TIMM44: variants seen among roughly 807,000 people sequenced by gnomAD.
The protein encoded by TIMM44 is translocase of inner mitochondrial membrane 44.
TIMM44 carries 37 observed loss-of-function variants against 63.8 expected under a neutral mutation model. The observed-to-expected ratio is 0.58, with a 90% confidence interval of 0.45 to 0.76. The LOEUF (loss-of-function observed/expected upper bound fraction) is 0.76. Among genes scored for constraint, TIMM44 ranks in the 30% least tolerant of loss-of-function variants. The probability of loss-of-function intolerance (pLI) is 0.00; values close to 1 mark genes in which losing one functional copy is unlikely to be tolerated. For synonymous variants in TIMM44, 239 were observed against 245.1 expected, an observed-to-expected ratio of 0.98 and a Z score of 0.23; for missense variants, 573 against 603.8, an observed-to-expected ratio of 0.95 and a Z score of 0.54.
At position 7,932,696 on chromosome 19, in the gene TIMM44, C is replaced by T. The variant is rs778775926; in HGVS notation, c.918G>A (p.Val306=). The part of the protein sequence containing the change: ...MSEVLTEILR[V]DPAFDKDRFL... The stretch of plus-strand genomic sequence containing the variant: ...ACCGGTCCTTGTCAAAGGCCGGGTC[C>T]ACCCGGAGGATCTCCGTGAGCACCT... The change falls in exon 9 of 13, where the codon GTG becomes GTA. Residue 306 remains valine (V), a synonymous_variant. Transcript: ENST00000270538. The T allele has an allele frequency of 7.4e-6, 12 of 1,614,168 alleles. No individual in the cohort carries two copies. In the Admixed American group the frequency reaches 2.0e-4, roughly 27 times the overall value.
Position 7,934,819 on chromosome 19 carries a change from C to T in TIMM44, c.393+246G>A, listed in dbSNP as rs527786889. On this transcript the variant is annotated intron_variant, in intron 4 of 12. Transcript: ENST00000270538. The surrounding 1 kb of genome is among the most constrained non-coding windows in gnomAD (Gnocchi z 5.3). ...GCAGGAAAAACATTTTCATGTTCTCCTCGAGTCCTGGCTAGCAGCACTTAC... is the reference window on the plus strand; with the variant it reads ...GCAGGAAAAACATTTTCATGTTCTCTTCGAGTCCTGGCTAGCAGCACTTAC... 6.6e-6 allele frequency among the ~76,000 whole-genome samples: 1 copy of T among 152,312 alleles called. No homozygotes were observed. Among genetic ancestry groups the T allele is most frequent in the Admixed American group, 6.5e-5 (1 of 15,292 alleles).
At chr19:7,939,137 T>C (rs1599651557) in intron 2 of TIMM44, among the ~76,000 whole-genome samples, 1 of 152,026 alleles carries the variant, frequency 6.6e-6, no homozygotes, top group African/African-American at 2.4e-5. Context: ...AGGTAAACCA[T>C]GCATTTATTA....
rs554935424 is a variant in TIMM44 at position 7,939,155 on chromosome 19, T to A, written c.142-958A>T. 2.6e-3 allele frequency among the ~76,000 whole-genome samples: 392 copies of A among 152,078 alleles called. 7 individuals carry two copies. The highest frequency in any genetic ancestry group is 0.023 in the South Asian group (112 of 4,792). On this transcript the variant is annotated intron_variant, in intron 2 of 12. Transcript: ENST00000270538. ...TAAACCATGCATTTATTAATAATAA[T>A]GTATCAACATCCTGTCAATTGTGAC...
intron 3 of TIMM44, among the ~76,000 whole-genome samples, chr19:7,935,683 C>T (rs563514568): frequency 1.3e-5 from 2 of 152,362 alleles, no homozygotes; most frequent in East Asian, 3.9e-4. Flanking sequence ...CCCCGCTTGG[C>T]AGCTACCTCC....
chr19:7,942,375 A>C (rs960550386), intron 1 of TIMM44, among the ~76,000 whole-genome samples: 7 of 151,770 alleles, frequency 4.6e-5, no homozygotes, highest in African/African-American at 1.5e-4. Context: ...GGATCGTTTG[A>C]GCTCAGGAGT....
chr19:7,938,270 C>G (rs1425868144), intron 2 of TIMM44, 73 bp from the exon 3 acceptor site: 1 of 1,211,296 alleles, frequency 8.3e-7, no homozygotes, highest in Non-Finnish European at 1.2e-6. Context: ...CACAGAGGGA[C>G]TCAGGGATTT....
chr19:7,928,450 C>T, intron 10 of TIMM44: 1 of 475,718 alleles, frequency 2.1e-6, no homozygotes, highest in Non-Finnish European at 3.8e-6. Flanking sequence ...CAAATCTACT[C>T]CCAGGGCTAA....
At chr19:7,927,867 C>T in intron 11 of TIMM44, 100 bp from the exon 12 acceptor site, 1 of 1,294,064 alleles carries the variant, frequency 7.7e-7, no homozygotes, top group Non-Finnish European at 1.1e-6. Context: ...GAGAAGGCTC[C>T]AGCACCAGGC....
At chr19:7,940,967 A>T in intron 2 of TIMM44, 135 bp downstream of exon 2, 1 of 720,642 alleles carries the variant, frequency 1.4e-6, no homozygotes, top group Non-Finnish European at 2.5e-6. Context: ...TCATTCTGAA[A>T]GCCCCGGACA....
chr19:7,926,926 C>G lies in TIMM44; in HGVS notation c.*261G>C. The G allele has an allele frequency of 2.1e-6, 1 of 485,906 alleles. No individual in the cohort carries two copies. The highest frequency in any genetic ancestry group is 3.9e-5 in the East Asian group (1 of 25,380). 30.1% of individuals were successfully genotyped at this position (485,906 alleles called of 1,614,324 possible). A position where few individuals can be genotyped will look rare whatever the true frequency, so the allele number is the denominator to read the frequency against. On this transcript the variant is annotated 3_prime_UTR_variant, in exon 13 of 13. Coordinates refer to ENST00000270538, the MANE Select transcript of TIMM44 (RefSeq NM_006351.4). ...TTGGCACTGTGTGACCTGTGTGCAC[C>G]CCAGGTGACCAGGCGCCGGGACCCC...
rs746009620 is a variant in TIMM44, at chr19:7,934,001, C to A, written c.546G>T (p.Gly182=). 6.2e-7 allele frequency: 1 copy of A among 1,614,054 alleles called. No homozygotes were observed. The highest frequency in any genetic ancestry group is 8.5e-7 in the Non-Finnish European group (1 of 1,180,030). Residue 182 remains glycine, a splice_region_variant and synonymous_variant, in exon 6 of 13, where the codon GGG becomes GGT. Coordinates refer to ENST00000270538, the MANE Select transcript of TIMM44 (RefSeq NM_006351.4). This position sits in a 1 kb window ranked among gnomAD's most constrained non-coding sequence, Gnocchi z 5.3. ...CAATTTCCTTCTTCACGGACTCCAC[C>A]CCCTGCGAGGGAGGCACAGCGGGGC... ...RTAAFRALSQ[G]VESVKKEIDD...
rs1453261108 is a variant in TIMM44, at chr19:7,934,485, C to G, written c.394-247G>C. Among the ~76,000 whole-genome samples the G allele has an allele frequency of 6.6e-6, 1 of 151,240 alleles. No homozygotes were observed. The highest frequency in any genetic ancestry group is 1.9e-4 in the East Asian group (1 of 5,134). On this transcript the variant is annotated intron_variant, in intron 4 of 12. Transcript: ENST00000270538. The surrounding 1 kb of genome is among the most constrained non-coding windows in gnomAD (Gnocchi z 5.3). ...CGGCACCCCCAGAGCCATGAGCACA[C>G]CGGCACCCCCAGAGCCATGAGCACA...
intron 10 of TIMM44, among the ~76,000 whole-genome samples, chr19:7,930,696 C>T (rs577297466): frequency 6.6e-6 from 1 of 152,206 alleles, no homozygotes; most frequent in Admixed American, 6.5e-5. Context: ...CAATCTCCCG[C>T]CTTGGGCTGC....
At chr19:7,928,052 C>T (rs770519947) in intron 11 of TIMM44, 25 bp downstream of exon 11, 9 of 1,605,652 alleles carry the variant, frequency 5.6e-6, no homozygotes, top group South Asian at 3.3e-5. Context: ...GATGGTGGCC[C>T]GGGCCCCCAC....
chr19:7,928,744 G>C (rs1983888762), intron 10 of TIMM44: 1 of 151,684 alleles, frequency 6.6e-6, no homozygotes, highest in African/African-American at 2.4e-5. Flanking sequence ...ATCCGCGGAG[G>C]GGAGAGAAAA....
rs372317629 is a variant in TIMM44, at chr19:7,935,048, G to A, written c.393+17C>T. The A allele has an allele frequency of 2.0e-5, 32 of 1,608,212 alleles. No individual in the cohort carries two copies. Among genetic ancestry groups the A allele is most frequent in the Admixed American group, 3.4e-5 (2 of 59,566 alleles). Reference sequence around the variant, plus strand: ...TTTGATGGCCCCAGCGGCTCCAGGCGGGCGTGGAACTGTTACCTCCTTCAC... The same window carrying A: ...TTTGATGGCCCCAGCGGCTCCAGGCAGGCGTGGAACTGTTACCTCCTTCAC... On this transcript the variant is annotated intron_variant, in intron 4 of 12. Transcript: ENST00000270538.
At chr19:7,928,214 A>C in intron 10 of TIMM44, 48 bp from the exon 11 acceptor site, 1 of 1,504,618 alleles carries the variant, frequency 6.6e-7, no homozygotes, top group Non-Finnish European at 9.2e-7. Flanking sequence ...CAGGGTGGGC[A>C]CCACGCCACA....
chr19:7,933,156 G>A lies in TIMM44; in HGVS notation c.770-224C>T, dbSNP rs1984036819. Among the ~76,000 whole-genome samples the A allele has an allele frequency of 6.6e-6, 1 of 152,146 alleles. No individual in the cohort carries two copies. Among genetic ancestry groups the A allele is most frequent in the Non-Finnish European group, 1.5e-5 (1 of 68,018 alleles). ...GGCCCCTCAGCTGCGGCCCTAATGG[G>A]GCTGTGTAAGTTATGGGCCGCCACC... On this transcript the variant is annotated intron_variant, in intron 7 of 12. Transcript: ENST00000270538. This position sits in a 1 kb window ranked among gnomAD's most constrained non-coding sequence, Gnocchi z 4.3.
rs1369018148 is a variant in TIMM44, at chr19:7,935,097, T to G, written c.361A>C (p.Lys121Gln). The G allele has an allele frequency of 1.2e-6, 2 of 1,613,806 alleles. No homozygotes were observed. Among genetic ancestry groups the G allele is most frequent in the South Asian group, 1.1e-5 (1 of 91,042 alleles). The change falls in exon 4 of 13, where the codon AAG becomes CAG. Residue 121 changes from lysine (K) to glutamine (Q), a missense_variant. By Grantham distance (53) the Lys-to-Gln change is moderately conservative (BLOSUM62 1). Transcript: ENST00000270538. ...TVRTSEVLRK[K>Q]LGELTGTVKE... is the part of the protein sequence containing the mutation. ...ACGGTGCCCGTCAGCTCCCCAAGCT[T>G]CTTCCGTAGCACCTCGCTCGTCCGC...
Sources: gnomAD v4.1 joint callset for allele counts (sites outside exome capture counted in the v4.1 genomes callset) on GRCh38, gnomAD v4.1.1 for gene constraint, Gnocchi (gnomAD v3.1) non-coding constraint, MANE v1.5 for transcripts, NCBI Gene and HGNC (gene_info 2026-07-23, HGNC 2026-07-21) for gene names.